Variants in CDH11 observed in about 807,000 individuals in gnomAD.
CDH11 encodes the protein cadherin-11.
Under a neutral mutation model 67.8 loss-of-function variants are expected in CDH11, and 11 were observed. That is an observed-to-expected ratio of 0.16 (90% confidence interval 0.10 to 0.27). CDH11 has a LOEUF of 0.27. CDH11 is among the 10% of genes least tolerant of loss of function. The pLI is 1.00. For missense variants in CDH11, 847 were observed against 1,031.2 expected (o/e 0.82, Z 2.45); for synonymous variants, 419 against 400.0 (o/e 1.05, Z -0.57).
intron 7 of CDH11, chr16:64,985,642 G>A (rs1415941157): frequency 6.6e-6 from 1 of 151,524 alleles, no homozygotes; most frequent in Non-Finnish European, 1.5e-5. Flanking sequence ...CAACTGGGGA[G>A]TGATTTTGCT....
At chr16:65,074,248 A>G (rs1418459279) in intron 1 of CDH11, among the ~76,000 whole-genome samples, 2 of 152,132 alleles carry the variant, frequency 1.3e-5, no homozygotes, top group Non-Finnish European at 2.9e-5. Flanking sequence ...AAGGGGACAC[A>G]TTGCTGCTAA....
chr16:64,945,600 C>T lies in CDH11; in HGVS notation c.*2003G>A. 2.9e-6 allele frequency: 3 copies of T among 1,033,244 alleles called. No individual in the cohort carries two copies. Among genetic ancestry groups the T allele is most frequent in the Non-Finnish European group, 3.5e-6 (3 of 858,742 alleles). 64.0% of individuals were successfully genotyped at this position (1,033,244 alleles called of 1,614,324 possible). A position where few individuals can be genotyped will look rare whatever the true frequency, so the allele number is the denominator to read the frequency against. ...CAAAAACTATATAAAAAAATGAACACAACCTGCAATTATGGAAGTATTGAG... is the reference window on the plus strand; with the variant it reads ...CAAAAACTATATAAAAAAATGAACATAACCTGCAATTATGGAAGTATTGAG... On this transcript the variant is annotated 3_prime_UTR_variant, in exon 13 of 13. Coordinates refer to ENST00000268603, the MANE Select transcript of CDH11 (RefSeq NM_001797.4).
rs559740550 is a variant in CDH11, at chr16:64,947,322, C to T, written c.*281G>A. 1.3e-5 allele frequency: 16 copies of T among 1,216,874 alleles called. No individual in the cohort carries two copies. The highest frequency in any genetic ancestry group is 1.3e-4 in the South Asian group (5 of 39,764). The allele number at this position is 1,216,874 out of a possible 1,614,324, so 75.4% of individuals were successfully genotyped here. A position where few individuals can be genotyped will look rare whatever the true frequency, so the allele number is the denominator to read the frequency against. ...CAATTTCCCTTCATTGTCAGTTCAG[C>T]GTTAGACTTCTCCTTCACTTAAATA... On this transcript the variant is annotated 3_prime_UTR_variant, in exon 13 of 13. Transcript: ENST00000268603.
At chr16:65,027,837 T>C (rs962855212) in intron 2 of CDH11, among the ~76,000 whole-genome samples, 1 of 152,234 alleles carries the variant, frequency 6.6e-6, no homozygotes, top group African/African-American at 2.4e-5. Context: ...TGTATGCCTT[T>C]AGGTTTTAAA....
At chr16:64,981,804 A>G in intron 8 of CDH11, 1 of 367,384 alleles carries the variant, frequency 2.7e-6, no homozygotes, top group Non-Finnish European at 4.8e-6. Context: ...TCCGTCACCT[A>G]GTATGCCTGG....
At chr16:64,963,361 C>A (rs1478448545) in intron 11 of CDH11, among the ~76,000 whole-genome samples, 14 of 152,146 alleles carry the variant, frequency 9.2e-5, no homozygotes, top group Admixed American at 6.5e-5. Context: ...AGGAAAGAAT[C>A]TCTGAGCTTG....
chr16:64,974,051 A>T (rs368239557), intron 8 of CDH11, among the ~76,000 whole-genome samples: 88 of 151,866 alleles, frequency 5.8e-4, no homozygotes, highest in African/African-American at 2.0e-3. Context: ...AATAACGGAT[A>T]AAAAAACCAC....
chr16:65,046,828 C>T (rs1167608956), intron 2 of CDH11, among the ~76,000 whole-genome samples: 1 of 152,074 alleles, frequency 6.6e-6, no homozygotes, highest in Non-Finnish European at 1.5e-5. Flanking sequence ...ATTAAGGTGG[C>T]TGGGCGCGGT....
intron 12 of CDH11, among the ~76,000 whole-genome samples, chr16:64,950,314 A>G (rs1208219828): frequency 2.0e-5 from 3 of 152,078 alleles, no homozygotes; most frequent in East Asian, 1.9e-4. Flanking sequence ...CCAGTTCCCG[A>G]GTCCTTCCTA....
rs747102834 is a variant in CDH11, at chr16:64,982,238, C to T, written c.1063G>A (p.Asp355Asn). 2 of 1,613,514 alleles carry T rather than the reference C, an allele frequency of 1.2e-6. No individual in the cohort carries two copies. Among genetic ancestry groups the T allele is most frequent in the South Asian group, 1.1e-5 (1 of 91,064 alleles). The change falls in exon 8 of 13, where the codon GAC (aspartate) becomes AAC (asparagine). Residue 355 changes from aspartate (D) to asparagine (N), a missense_variant. Transcript: ENST00000268603. ...GGGCCATTGCTGATAAACTTCGGGTCGATGTGCACGTTGGCTGCCTCTACC... is the reference window on the plus strand; with the variant it reads ...GGGCCATTGCTGATAAACTTCGGGTTGATGTGCACGTTGGCTGCCTCTACC... ...LKVEAANVHI[D>N]PKFISNGPFK...
At chr16:64,958,788 A>G (rs1337311989) in intron 11 of CDH11, among the ~76,000 whole-genome samples, 3 of 152,160 alleles carry the variant, frequency 2.0e-5, no homozygotes, top group African/African-American at 7.2e-5. Context: ...AGAAAAACTC[A>G]GTTTCTAGAC....
At chr16:65,113,401 G>C (rs1305086679) in intron 1 of CDH11, among the ~76,000 whole-genome samples, 1 of 152,124 alleles carries the variant, frequency 6.6e-6, no homozygotes, top group African/African-American at 2.4e-5. Context: ...TCTTGGGCAA[G>C]TCCTGGTTCC....
Position 65,004,880 on chromosome 16 carries a change from G to A in CDH11, c.-11C>T, listed in dbSNP as rs2073013484. 1.3e-6 allele frequency: 2 copies of A among 1,510,216 alleles called. No homozygotes were observed. The highest frequency in any genetic ancestry group is 8.9e-7 in the Non-Finnish European group (1 of 1,124,008). 93.6% of individuals were successfully genotyped at this position (1,510,216 alleles called of 1,614,324 possible). Reference sequence around the variant, plus strand: ...GTAGTTCTCCTTCATTTTTGGTTACGTGGTAGGCACAGGAGAATGCAGCTG... The same window carrying A: ...GTAGTTCTCCTTCATTTTTGGTTACATGGTAGGCACAGGAGAATGCAGCTG... On this transcript the variant is annotated 5_prime_UTR_variant, in exon 3 of 13. It adds an upstream start codon to the 5' untranslated region. Transcript: ENST00000268603.
chr16:64,991,816 T>TG lies in CDH11; in HGVS notation c.762_763insC (p.Thr255HisfsTer9). 1 of 1,613,964 alleles carries TG rather than the reference T, an allele frequency of 6.2e-7. No homozygotes were observed. Among genetic ancestry groups the TG allele is most frequent in the East Asian group, 2.2e-5 (1 of 44,866 alleles). On this transcript the variant is annotated frameshift_variant, in exon 6 of 13. Coordinates refer to ENST00000268603, the MANE Select transcript of CDH11 (RefSeq NM_001797.4). LOFTEE classifies it high-confidence loss of function. ...TCATTGACATCGGTCAGTGTGATCG[T>TG]CACTTTGGTTGTCCCTGAGAGTCCG...
chr16:65,086,544 C>T, intron 1 of CDH11, among the ~76,000 whole-genome samples: 1 of 152,196 alleles, frequency 6.6e-6, no homozygotes, highest in African/African-American at 2.4e-5. Context: ...GTAAAGAAAG[C>T]TGTTATGATG....
At chr16:65,065,476 G>A (rs1469234219) in intron 1 of CDH11, among the ~76,000 whole-genome samples, 2 of 152,126 alleles carry the variant, frequency 1.3e-5, no homozygotes, top group East Asian at 1.9e-4. Context: ...CGAAAGGGAC[G>A]GGGACACACG....
chr16:64,978,191 G>A (rs1208167085), intron 8 of CDH11, among the ~76,000 whole-genome samples: 1 of 152,154 alleles, frequency 6.6e-6, no homozygotes, highest in Non-Finnish European at 1.5e-5. Flanking sequence ...CAAAAACTGT[G>A]AGCTTGACCT....
At position 64,943,769 on chromosome 16, in the gene CDH11, A is replaced by C. The variant is rs2142354254; in HGVS notation, c.*3834T>G. On this transcript the variant is annotated 3_prime_UTR_variant, in exon 13 of 13. Transcript: ENST00000268603. ...ATCAGTATATTTGCTTTCATTCAAT[A>C]GATATTTATTGTGTACCTGTTATGT... 1 of 201,274 alleles carries C rather than the reference A, an allele frequency of 5.0e-6. No individual in the cohort carries two copies. Among genetic ancestry groups the C allele is most frequent in the South Asian group, 1.9e-4 (1 of 5,250 alleles). 12.5% of individuals were successfully genotyped at this position (201,274 alleles called of 1,614,324 possible).
chr16:65,076,406 C>T (rs1265257290), intron 1 of CDH11, among the ~76,000 whole-genome samples: 1 of 152,156 alleles, frequency 6.6e-6, no homozygotes, highest in Non-Finnish European at 1.5e-5. Flanking sequence ...TGAGCTGCTC[C>T]TCCACCAGCA....
Sources: gnomAD v4.1 joint callset for allele counts (sites outside exome capture counted in the v4.1 genomes callset) on GRCh38, gnomAD v4.1.1 for gene constraint, MANE v1.5 for transcripts, NCBI Gene and HGNC (gene_info 2026-07-23, HGNC 2026-07-21) for gene names.